RYR3: variants seen among roughly 807,000 people sequenced by gnomAD.
RYR3 encodes ryanodine receptor 3, also known as brain ryanodine receptor-calcium release channel.
RYR3 carries 207 observed loss-of-function variants against 584.3 expected under a neutral mutation model. That is an observed-to-expected ratio of 0.35 (90% CI 0.32 to 0.40). RYR3 has a LOEUF of 0.40. RYR3 is among the 10% of genes least tolerant of loss of function. The pLI is 1.00. For missense variants in RYR3, 5,616 were observed against 6,089.2 expected, an observed-to-expected ratio of 0.92 and a Z score of 2.59; for synonymous variants, 2,416 against 2,248.5, an observed-to-expected ratio of 1.07 and a Z score of -2.11.
chr15:33,518,044 G>GAT (rs1436982788), intron 3 of RYR3, among the ~76,000 whole-genome samples: 1 of 152,180 alleles, frequency 6.6e-6, no homozygotes, highest in African/African-American at 2.4e-5. Flanking sequence ...AACAGCTGTG[G>GAT]ATGCATATTG....
At chr15:33,413,537 G>A (rs754420800) in intron 1 of RYR3, among the ~76,000 whole-genome samples, 30 of 152,232 alleles carry the variant, frequency 2.0e-4, no homozygotes, top group South Asian at 4.1e-4. Flanking sequence ...TTTAGGGACA[G>A]GAGTGTGGCC....
At chr15:33,773,723 A>C in intron 64 of RYR3, 108 bp downstream of exon 64, 1 of 752,090 alleles carries the variant, frequency 1.3e-6, no homozygotes, top group Non-Finnish European at 2.3e-6. Context: ...CAAAATGCTC[A>C]CTGATACAGA....
chr15:33,822,557 C>A (rs1185564215), intron 80 of RYR3, among the ~76,000 whole-genome samples: 1 of 152,122 alleles, frequency 6.6e-6, no homozygotes, highest in Non-Finnish European at 1.5e-5. Context: ...TTTTAAAAAA[C>A]AAAATTTTTA....
chr15:33,587,688 A>G (rs1595725142), intron 16 of RYR3, among the ~76,000 whole-genome samples: 1 of 152,354 alleles, frequency 6.6e-6, no homozygotes, highest in East Asian at 1.9e-4. Context: ...TTGGTACATA[A>G]GAGTCTTTTC....
intron 45 of RYR3, among the ~76,000 whole-genome samples, chr15:33,724,900 C>A (rs1447332418): frequency 6.6e-6 from 1 of 151,956 alleles, no homozygotes. Flanking sequence ...CATTTCTGTG[C>A]CTTTAAGTAA....
At position 33,600,813 on chromosome 15, in the gene RYR3, C is replaced by T. The variant is rs117510378; in HGVS notation, c.1789-606C>T. On this transcript the variant is annotated intron_variant, in intron 16 of 103. Coordinates refer to ENST00000634891, the MANE Select transcript of RYR3 (RefSeq NM_001036.6). ...CTACAGGAGATTCCCAAGCTTGCTA[C>T]GTGCAAGACCTTAGCCAAATGGGAA... 3.1e-3 allele frequency among the ~76,000 whole-genome samples: 476 copies of T among 152,282 alleles called. 20 individuals carry two copies. In the East Asian group the frequency reaches 0.052, roughly 17 times the overall value.
intron 1 of RYR3, among the ~76,000 whole-genome samples, chr15:33,389,043 C>T (rs2041821837): frequency 7.9e-6 from 1 of 126,420 alleles, no homozygotes; most frequent in Non-Finnish European, 1.5e-5. Context: ...CACATGGACA[C>T]AGGAAGGGGA....
At chr15:33,324,223 T>C (rs576407661) in intron 1 of RYR3, among the ~76,000 whole-genome samples, 29 of 152,294 alleles carry the variant, frequency 1.9e-4, no homozygotes, top group African/African-American at 6.7e-4. Context: ...ACATTCTCTA[T>C]GGATGAAACT....
At chr15:33,411,545 C>T (rs2043408383) in intron 1 of RYR3, among the ~76,000 whole-genome samples, 1 of 152,198 alleles carries the variant, frequency 6.6e-6, no homozygotes, top group African/African-American at 2.4e-5. Flanking sequence ...GTTCCTTGGG[C>T]ATGTGCTATC....
intron 38 of RYR3, among the ~76,000 whole-genome samples, chr15:33,681,948 G>A (rs909056719): frequency 4.0e-5 from 6 of 149,818 alleles, no homozygotes; most frequent in Non-Finnish European, 7.4e-5. Context: ...ACTTCATTGC[G>A]TGATGGCCAC....
intron 17 of RYR3, 62 bp downstream of exon 17, chr15:33,601,614 G>T: frequency 6.3e-7 from 1 of 1,587,730 alleles, no homozygotes; most frequent in South Asian, 1.1e-5. Context: ...TCCCCAAGCA[G>T]GAAAAGAGGG....
chr15:33,397,082 C>T (rs1192342880), intron 1 of RYR3, among the ~76,000 whole-genome samples: 1 of 152,044 alleles, frequency 6.6e-6, no homozygotes, highest in Non-Finnish European at 1.5e-5. Flanking sequence ...ATATTGTTAA[C>T]TGAAAAAATT....
At chr15:33,383,245 A>T (rs2041329822) in intron 1 of RYR3, among the ~76,000 whole-genome samples, 1 of 148,978 alleles carries the variant, frequency 6.7e-6, no homozygotes, top group Non-Finnish European at 1.5e-5. Context: ...GTGAGAAAGG[A>T]GGGAGGAGTG....
chr15:33,689,161 G>A (rs543332300), intron 38 of RYR3, among the ~76,000 whole-genome samples: 1 of 134,508 alleles, frequency 7.4e-6, no homozygotes, highest in South Asian at 2.3e-4. Context: ...TCATAGGTAG[G>A]AATTGAACAA....
intron 36 of RYR3, among the ~76,000 whole-genome samples, chr15:33,666,064 G>C (rs1191094431): frequency 6.6e-6 from 1 of 152,172 alleles, no homozygotes; most frequent in East Asian, 1.9e-4. Context: ...GGATGCAGTG[G>C]CATGGTATCA....
rs543880737 is a variant in RYR3, at chr15:33,414,705, C to T, written c.52-58714C>T. 3.9e-5 allele frequency among the ~76,000 whole-genome samples: 6 copies of T among 152,212 alleles called. No individual in the cohort carries two copies. The East Asian group carries it at 5.8e-4, about 15-fold the overall frequency. On this transcript the variant is annotated intron_variant, in intron 1 of 103. Transcript: ENST00000634891. ...CTGCAAGCTCCGCCTCCTGGGTTCA[C>T]GCCATTCCCGCGCCTCAGCCTCCCA...
intron 19 of RYR3, among the ~76,000 whole-genome samples, chr15:33,615,333 G>T (rs953432294): frequency 6.6e-6 from 1 of 152,184 alleles, no homozygotes; most frequent in Non-Finnish European, 1.5e-5. Context: ...ACCTCAGGTG[G>T]ATTGGTAAAC....
intron 94 of RYR3, chr15:33,851,222 C>T (rs568798269): frequency 2.9e-4 from 44 of 152,244 alleles, no homozygotes; most frequent in African/African-American, 9.6e-4. Flanking sequence ...ATACCTGATA[C>T]ACAAGTTGAA....
At chr15:33,852,232 C>T (rs1402669293) in intron 94 of RYR3, 1 of 152,132 alleles carries the variant, frequency 6.6e-6, no homozygotes, top group Non-Finnish European at 1.5e-5. Flanking sequence ...GGCTGCAATC[C>T]AGTCTTACAA....
Sources: gnomAD v4.1 joint callset for allele counts (sites outside exome capture counted in the v4.1 genomes callset) on GRCh38, gnomAD v4.1.1 for gene constraint, MANE v1.5 for transcripts, NCBI Gene and HGNC (gene_info 2026-07-23, HGNC 2026-07-21) for gene names.